ABCA13: variants seen among roughly 807,000 people sequenced by gnomAD.
ABCA13 encodes the protein ATP-binding cassette sub-family A member 13.
A neutral mutation model predicts 478.7 loss-of-function variants in ABCA13; 476 were observed. That is an observed-to-expected ratio of 0.99 (90% CI 0.92 to 1.07). ABCA13 has a LOEUF of 1.07. Ranked by LOEUF, ABCA13 falls within the 50% of genes least tolerant of loss-of-function variation. The probability of loss-of-function intolerance (pLI) is 0.00; values close to 1 mark genes in which losing one functional copy is unlikely to be tolerated. For missense variants in ABCA13, 6,060 were observed against 5,910.6 expected (o/e 1.03, Z -0.83); for synonymous variants, 2,252 against 2,158.9 (o/e 1.04, Z -1.20).
intron 49 of ABCA13, among the ~76,000 whole-genome samples, chr7:48,507,177 C>T (rs1248153644): frequency 6.6e-6 from 1 of 152,128 alleles, no homozygotes; most frequent in African/African-American, 2.4e-5. Context: ...AGTAGGCTAG[C>T]TGACATCTGT....
intron 20 of ABCA13, among the ~76,000 whole-genome samples, chr7:48,294,729 A>G (rs1347952276): frequency 4.0e-5 from 6 of 151,570 alleles, no homozygotes; most frequent in African/African-American, 1.2e-4. Context: ...TACAGGCGTG[A>G]GCCACCGCGC....
At chr7:48,385,242 G>A (rs67033930) in intron 35 of ABCA13, among the ~76,000 whole-genome samples, 31,183 of 151,980 alleles carry the variant, frequency 0.21, 3,919 homozygotes, top group African/African-American at 0.35. Context: ...TGTCACCCAC[G>A]TATTGAGCCT....
At chr7:48,438,391 T>C (rs1823127832) in intron 42 of ABCA13, among the ~76,000 whole-genome samples, 1 of 152,062 alleles carries the variant, frequency 6.6e-6, no homozygotes, top group Non-Finnish European at 1.5e-5. Flanking sequence ...TTTTAGTCAG[T>C]CTGTAGTTGT....
chr7:48,526,681 T>G (rs927753176), intron 54 of ABCA13, among the ~76,000 whole-genome samples: 1 of 152,176 alleles, frequency 6.6e-6, no homozygotes, highest in Admixed American at 6.5e-5. Flanking sequence ...CTGTAAGCAA[T>G]TGTAACACAA....
intron 1 of ABCA13, among the ~76,000 whole-genome samples, chr7:48,178,434 G>T (rs544918461): frequency 2.0e-5 from 3 of 152,296 alleles, no homozygotes; most frequent in African/African-American, 7.2e-5. Context: ...CAGCACTTTG[G>T]GAAGCCGAGG....
intron 59 of ABCA13, among the ~76,000 whole-genome samples, chr7:48,628,121 GA>G (rs966257605): frequency 6.6e-6 from 1 of 152,112 alleles, no homozygotes; most frequent in African/African-American, 2.4e-5. Context: ...TCTTTCCCAA[GA>G]AAAACACATG....
intron 28 of ABCA13, 113 bp downstream of exon 28, chr7:48,335,648 C>G (rs915280911): frequency 1.5e-6 from 1 of 646,298 alleles, no homozygotes; most frequent in African/African-American, 1.8e-5. Flanking sequence ...CATAGTGGTT[C>G]TAGTTGACTC....
chr7:48,321,686 G>A (rs775178356), intron 27 of ABCA13, among the ~76,000 whole-genome samples: 33 of 152,342 alleles, frequency 2.2e-4, no homozygotes, highest in Non-Finnish European at 2.9e-4. Flanking sequence ...GCCGGCTGCC[G>A]TGAGAGCGAG....
intron 27 of ABCA13, among the ~76,000 whole-genome samples, chr7:48,323,936 C>A (rs575791815): frequency 6.6e-6 from 1 of 152,298 alleles, no homozygotes; most frequent in East Asian, 1.9e-4. Flanking sequence ...TTCTCTGCTG[C>A]CATGTAAGAC....
At chr7:48,357,187 G>T (rs903901425) in intron 31 of ABCA13, among the ~76,000 whole-genome samples, 1 of 151,868 alleles carries the variant, frequency 6.6e-6, no homozygotes. Context: ...AAATCAGCTT[G>T]ATCCACAACA....
intron 57 of ABCA13, among the ~76,000 whole-genome samples, chr7:48,591,268 A>G (rs1346509658): frequency 6.6e-6 from 1 of 151,986 alleles, no homozygotes; most frequent in East Asian, 1.9e-4. Flanking sequence ...TGTATTTGTC[A>G]AAGATTAATT....
chr7:48,316,423 C>T (rs1214000207), intron 26 of ABCA13, among the ~76,000 whole-genome samples: 1 of 152,104 alleles, frequency 6.6e-6, no homozygotes, highest in African/African-American at 2.4e-5. Flanking sequence ...GTGTCCATGT[C>T]ATTATTTAAT....
chr7:48,303,604 G>A (rs1357031827), intron 23 of ABCA13, among the ~76,000 whole-genome samples: 1 of 152,062 alleles, frequency 6.6e-6, no homozygotes, highest in Non-Finnish European at 1.5e-5. Context: ...TTTCCCTATT[G>A]CTTGTTTTTG....
At chr7:48,596,409 T>G (rs552801537) in intron 58 of ABCA13, among the ~76,000 whole-genome samples, 1 of 152,352 alleles carries the variant, frequency 6.6e-6, no homozygotes, top group South Asian at 2.1e-4. Context: ...AGTATGGAAT[T>G]CTATGATTCT....
intron 55 of ABCA13, among the ~76,000 whole-genome samples, chr7:48,545,786 AT>A (rs1784766012): frequency 6.6e-6 from 1 of 151,330 alleles, no homozygotes; most frequent in Non-Finnish European, 1.5e-5. Context: ...AACTGTGGCT[AT>A]TAAAAAGAAA....
At chr7:48,215,615 T>A (rs1010155141) in intron 3 of ABCA13, among the ~76,000 whole-genome samples, 1 of 152,076 alleles carries the variant, frequency 6.6e-6, no homozygotes, top group African/African-American at 2.4e-5. Flanking sequence ...CGAAGCATAA[T>A]AAAACAAGGT....
In ABCA13 at chr7:48,275,468, A is replaced by G. The variant is rs1796176975; in HGVS notation, c.5802A>G (p.Gln1934=). The change falls in exon 17 of 62, where the codon CAA becomes CAG. Residue 1934 remains glutamine (Q), a synonymous_variant. Coordinates refer to ENST00000435803, the MANE Select transcript of ABCA13 (RefSeq NM_152701.5). ...CGTTTGTCCCACCTTCAATAAATCA[A>G]ACTAGGGATAGCATCTCTGAACTCT... is the stretch of plus-strand genomic sequence containing the variant. ...ILPFVPPSIN[Q]TRDSISELCP... is the part of the protein sequence containing the mutation. The G allele has an allele frequency of 1.2e-6, 2 of 1,613,780 alleles. No individual in the cohort carries two copies. The highest frequency in any genetic ancestry group is 1.3e-5 in the African/African-American group (1 of 74,922).
Position 48,273,616 on chromosome 7 carries a change from G to T in ABCA13, c.3950G>T (p.Gly1317Val), listed in dbSNP as rs374959202. The change falls in exon 17 of 62, where the codon GGA (glycine) becomes GTA (valine). Residue 1317 changes from glycine to valine, a missense_variant. Gly to Val is a moderately radical substitution (Grantham distance 109). Around this residue, in one of 3 missense-constraint regions of ABCA13, gnomAD observed 4,423 missense variants for 4,309.1 expected, o/e 1.03. Transcript: ENST00000435803. ...DFLSNNLTNY[G>V]EKFENIITEL... ...CTTTCAAATAATCTCACAAATTATGGAGAAAAATTTGAAAATATCATCACT... is the reference window on the plus strand; with the variant it reads ...CTTTCAAATAATCTCACAAATTATGTAGAAAAATTTGAAAATATCATCACT... 1 of 1,600,362 alleles carries T rather than the reference G, an allele frequency of 6.2e-7. No homozygotes were observed.
At chr7:48,610,617 C>T (rs1230725097) in intron 58 of ABCA13, among the ~76,000 whole-genome samples, 1 of 152,228 alleles carries the variant, frequency 6.6e-6, no homozygotes, top group Non-Finnish European at 1.5e-5. Context: ...CCACGAGAGC[C>T]ACGTCCATGC....
Sources: allele counts gnomAD v4.1 joint callset (sites outside exome capture counted in the v4.1 genomes callset), GRCh38; gene constraint gnomAD v4.1.1; regional missense constraint gnomAD v4.1.1; transcripts MANE v1.5; gene names NCBI Gene and HGNC (gene_info 2026-07-23, HGNC 2026-07-21).